Variants in PPFIBP1 observed in about 807,000 individuals in gnomAD.
The protein encoded by PPFIBP1 is PPFIB scaffold protein 1, also known as liprin-beta-1.
In PPFIBP1, 112 loss-of-function variants were observed where a neutral mutation model predicts 137.8. That is an observed-to-expected ratio of 0.81 (90% CI 0.70 to 0.95). The LOEUF is 0.95. Among genes scored for constraint, PPFIBP1 ranks in the 40% least tolerant of loss-of-function variants. The pLI is 0.00. For missense variants in PPFIBP1, 1,083 were observed against 1,196.6 expected (o/e 0.91, Z 1.40); for synonymous variants, 378 against 417.3 (o/e 0.91, Z 1.15).
intron 2 of PPFIBP1, among the ~76,000 whole-genome samples, chr12:27,619,066 G>T (rs1359928880): frequency 1.3e-5 from 2 of 152,146 alleles, no homozygotes; most frequent in Non-Finnish European, 2.9e-5. Flanking sequence ...AGGAGTACTT[G>T]ATGATGCGGT....
intron 9 of PPFIBP1, 179 bp downstream of exon 9, chr12:27,656,909 A>C: frequency 2.0e-6 from 1 of 511,106 alleles, no homozygotes; most frequent in Non-Finnish European, 3.6e-6. Context: ...GGAATCCATT[A>C]ATTTCCTCTT....
chr12:27,611,972 C>T (rs746249528), intron 2 of PPFIBP1, among the ~76,000 whole-genome samples: 3 of 152,196 alleles, frequency 2.0e-5, no homozygotes, highest in African/African-American at 4.8e-5. Flanking sequence ...AAATGTAATT[C>T]GTTGATCTGT....
At chr12:27,578,408 T>A (rs930036738) in intron 2 of PPFIBP1, among the ~76,000 whole-genome samples, 169 bp downstream of exon 2, 2 of 152,176 alleles carry the variant, frequency 1.3e-5, no homozygotes, top group Non-Finnish European at 2.9e-5. Context: ...AACCTGTAAA[T>A]TCTAAGAGTA....
intron 2 of PPFIBP1, among the ~76,000 whole-genome samples, chr12:27,605,603 A>G (rs1156500053): frequency 6.6e-6 from 1 of 152,194 alleles, no homozygotes; most frequent in African/African-American, 2.4e-5. Flanking sequence ...TAAAATAAAT[A>G]TAAAATTATT....
chr12:27,583,895 A>G (rs931170520), intron 2 of PPFIBP1, among the ~76,000 whole-genome samples: 1 of 152,208 alleles, frequency 6.6e-6, no homozygotes, highest in African/African-American at 2.4e-5. Flanking sequence ...CACAGAAGGT[A>G]AAGCTGAAAG....
intron 2 of PPFIBP1, among the ~76,000 whole-genome samples, chr12:27,629,468 C>T (rs1173086688): frequency 6.6e-6 from 1 of 152,142 alleles, no homozygotes; most frequent in Non-Finnish European, 1.5e-5. Flanking sequence ...GTTACCTGTT[C>T]TTGAATTTCA....
chr12:27,658,551 A>G (rs2059355055), intron 9 of PPFIBP1, among the ~76,000 whole-genome samples: 1 of 152,190 alleles, frequency 6.6e-6, no homozygotes, highest in African/African-American at 2.4e-5. Context: ...CCATAAACCT[A>G]ATTTTAATGT....
At chr12:27,655,784 G>A (rs1396602880) in intron 8 of PPFIBP1, among the ~76,000 whole-genome samples, 2 of 152,208 alleles carry the variant, frequency 1.3e-5, no homozygotes, top group Non-Finnish European at 2.9e-5. Flanking sequence ...TCTTCTCATA[G>A]TACTAAATGT....
chr12:27,541,503 A>G (rs1257974374), intron 1 of PPFIBP1, among the ~76,000 whole-genome samples: 1 of 152,054 alleles, frequency 6.6e-6, no homozygotes, highest in African/African-American at 2.4e-5. Context: ...AGGCAGGCGG[A>G]GCAGAGACTC....
intron 1 of PPFIBP1, among the ~76,000 whole-genome samples, chr12:27,530,523 T>C (rs552553): frequency 6.6e-6 from 1 of 152,242 alleles, no homozygotes; most frequent in African/African-American, 2.4e-5. Flanking sequence ...GTTTCTTTTA[T>C]TGTTTTTCTC....
chr12:27,575,584 A>T (rs1037850779), intron 1 of PPFIBP1, among the ~76,000 whole-genome samples: 4 of 152,196 alleles, frequency 2.6e-5, no homozygotes, highest in Admixed American at 1.3e-4. Context: ...TGTGGGCAGG[A>T]TGTTAAGAGT....
At chr12:27,544,060 T>A (rs972394294) in intron 1 of PPFIBP1, among the ~76,000 whole-genome samples, 6 of 149,590 alleles carry the variant, frequency 4.0e-5, no homozygotes, top group Non-Finnish European at 7.4e-5. Flanking sequence ...TTTGATTTTT[T>A]AATTAGACAT....
At chr12:27,670,793 A>T (rs1321149155) in intron 13 of PPFIBP1, among the ~76,000 whole-genome samples, 14 of 147,364 alleles carry the variant, frequency 9.5e-5, no homozygotes, top group Middle Eastern at 3.6e-3. Context: ...AAAAAAAAAA[A>T]AAATAATAAT....
chr12:27,672,350 A>C, intron 14 of PPFIBP1, 77 bp from the exon 15 acceptor site: 1 of 1,182,792 alleles, frequency 8.5e-7, no homozygotes, highest in Non-Finnish European at 1.2e-6. Context: ...TTTGTTTTTG[A>C]CTTATCTGTT....
chr12:27,647,217 T>A (rs1262743235), intron 5 of PPFIBP1, among the ~76,000 whole-genome samples: 2 of 152,166 alleles, frequency 1.3e-5, no homozygotes, highest in Admixed American at 1.3e-4. Flanking sequence ...GCCAGGCTGG[T>A]CTTGAACTCC....
At chr12:27,543,880 C>CTTT (rs35787446) in intron 1 of PPFIBP1, among the ~76,000 whole-genome samples, 43 of 105,784 alleles carry the variant, frequency 4.1e-4, no homozygotes, top group Admixed American at 8.1e-4. Context: ...CCCGCCCCTG[C>CTTT]TTTTTTTTTT....
At position 27,680,105 on chromosome 12, in the gene PPFIBP1, T is replaced by C. The variant is rs376720886; in HGVS notation, c.1895+44T>C. The C allele has an allele frequency of 6.8e-6, 11 of 1,606,902 alleles. No homozygotes were observed. In the African/African-American group the frequency reaches 1.3e-4, roughly 20 times the overall value. On this transcript the variant is annotated intron_variant, in intron 21 of 29. Coordinates refer to ENST00000228425, the MANE Select transcript of PPFIBP1 (RefSeq NM_003622.4). ...TAGACTTTTGCATCTCTACCAAGCA[T>C]CATAGCCTCATGAGTCCTGCAGTAT...
intron 2 of PPFIBP1, among the ~76,000 whole-genome samples, chr12:27,594,497 G>C (rs1464104853): frequency 2.6e-5 from 4 of 152,026 alleles, no homozygotes; most frequent in Non-Finnish European, 5.9e-5. Context: ...TTTCTATTCA[G>C]AACTACCCCA....
At chr12:27,578,453 G>A (rs1339625570) in intron 2 of PPFIBP1, among the ~76,000 whole-genome samples, 4 of 152,166 alleles carry the variant, frequency 2.6e-5, no homozygotes, top group African/African-American at 4.8e-5. Flanking sequence ...GGATTTAGAC[G>A]CGGTGTGGCA....
Sources: gnomAD v4.1 joint callset for allele counts (sites outside exome capture counted in the v4.1 genomes callset) on GRCh38, gnomAD v4.1.1 for gene constraint, MANE v1.5 for transcripts, NCBI Gene and HGNC (gene_info 2026-07-23, HGNC 2026-07-21) for gene names.